SUGCT: variants seen among roughly 807,000 people sequenced by gnomAD.
The protein encoded by SUGCT is succinyl-CoA:glutarate CoA-transferase.
SUGCT carries 41 observed loss-of-function variants against 55.0 expected under a neutral mutation model. That is an observed-to-expected ratio of 0.74 (90% CI 0.58 to 0.97). The LOEUF is 0.97. SUGCT is among the 50% of genes least tolerant of loss of function. The probability of loss-of-function intolerance (pLI) is 0.00; values close to 1 mark genes in which losing one functional copy is unlikely to be tolerated. For synonymous variants in SUGCT, 187 were observed against 200.4 expected (o/e 0.93, Z 0.56); for missense variants, 568 against 547.8 (o/e 1.04, Z -0.37).
At chr7:40,267,903 C>T (rs981573146) in intron 7 of SUGCT, among the ~76,000 whole-genome samples, 1 of 152,120 alleles carries the variant, frequency 6.6e-6, no homozygotes, top group African/African-American at 2.4e-5. Context: ...GTGAATGGTA[C>T]CCCTTCTTTA....
chr7:40,556,941 C>T (rs184175550), intron 12 of SUGCT, among the ~76,000 whole-genome samples: 35 of 152,230 alleles, frequency 2.3e-4, no homozygotes, highest in Middle Eastern at 6.8e-3. Context: ...CTACTCAAGG[C>T]GATCTCCAGA....
intron 1 of SUGCT, chr7:40,141,941 T>C (rs769408898): frequency 5.5e-5 from 15 of 270,520 alleles, no homozygotes; most frequent in Non-Finnish European, 8.5e-5. Context: ...CCCGCTGCTG[T>C]GTCATTCCCC....
the SUGCT span, among the ~76,000 whole-genome samples, chr7:40,939,243 A>C: frequency 1.3e-5 from 2 of 152,092 alleles, no homozygotes. Flanking sequence ...TCATAAAACC[A>C]TCAGATCTCT....
intron 12 of SUGCT, among the ~76,000 whole-genome samples, chr7:40,640,199 AC>A (rs1193384518): frequency 5.3e-5 from 8 of 152,300 alleles, no homozygotes; most frequent in Admixed American, 4.6e-4. Flanking sequence ...GTTAAATCTA[AC>A]CATGGGAAGT....
chr7:40,681,501 G>A (rs745452371), intron 12 of SUGCT, among the ~76,000 whole-genome samples: 4 of 152,110 alleles, frequency 2.6e-5, no homozygotes, highest in Non-Finnish European at 4.4e-5. Context: ...ATACCACACC[G>A]AGGTTTTGCA....
the SUGCT span, among the ~76,000 whole-genome samples, chr7:40,980,771 A>G: frequency 1.3e-5 from 2 of 152,136 alleles, no homozygotes; most frequent in Admixed American, 6.5e-5. Context: ...ATCTCAGCTC[A>G]CTACAACTTC....
intron 7 of SUGCT, among the ~76,000 whole-genome samples, chr7:40,254,936 T>C (rs1790701948): frequency 6.6e-6 from 1 of 151,722 alleles, no homozygotes; most frequent in South Asian, 2.1e-4. Context: ...AAGGATATGT[T>C]GGCTGGGCGC....
intron 12 of SUGCT, among the ~76,000 whole-genome samples, chr7:40,597,426 T>G (rs1398851105): frequency 2.0e-5 from 3 of 152,208 alleles, no homozygotes. Flanking sequence ...TAATTCAATT[T>G]ATTGTAACAA....
chr7:40,158,370 T>C (rs1783997916), intron 1 of SUGCT, among the ~76,000 whole-genome samples: 1 of 152,208 alleles, frequency 6.6e-6, no homozygotes, highest in African/African-American at 2.4e-5. Context: ...CTGAAAATAA[T>C]AAAATTGCTG....
chr7:40,838,814 T>G (rs1793127019), intron 13 of SUGCT, among the ~76,000 whole-genome samples: 1 of 152,214 alleles, frequency 6.6e-6, no homozygotes, highest in East Asian at 1.9e-4. Flanking sequence ...GGGGACATCC[T>G]TGCCTTGTTT....
At chr7:41,015,504 T>A in the SUGCT span, among the ~76,000 whole-genome samples, 1 of 152,144 alleles carries the variant, frequency 6.6e-6, no homozygotes, top group African/African-American at 2.4e-5. Flanking sequence ...AGCCCTAAAT[T>A]CTAATCTTTG....
At chr7:40,188,832 A>G in intron 4 of SUGCT, among the ~76,000 whole-genome samples, 1 of 152,210 alleles carries the variant, frequency 6.6e-6, no homozygotes, top group East Asian at 1.9e-4. Flanking sequence ...TTTATGAAAT[A>G]GAAAAATTAT....
intron 13 of SUGCT, among the ~76,000 whole-genome samples, chr7:40,791,004 G>A (rs1306437534): frequency 6.6e-6 from 1 of 152,142 alleles, no homozygotes; most frequent in African/African-American, 2.4e-5. Context: ...AATACTTCCA[G>A]GATATGGAGG....
the SUGCT span, among the ~76,000 whole-genome samples, chr7:41,026,691 G>A: frequency 6.6e-6 from 1 of 152,096 alleles, no homozygotes; most frequent in Non-Finnish European, 1.5e-5. Context: ...CAAATCAAAG[G>A]CGCCAGCTTA....
chr7:40,751,336 G>A (rs190522480), intron 13 of SUGCT, among the ~76,000 whole-genome samples: 17 of 152,178 alleles, frequency 1.1e-4, no homozygotes, highest in Admixed American at 1.1e-3. Context: ...GTTTTCTCTC[G>A]TTTTAAGTAG....
At chr7:40,556,116 C>T (rs1795549380) in intron 12 of SUGCT, among the ~76,000 whole-genome samples, 1 of 152,114 alleles carries the variant, frequency 6.6e-6, no homozygotes, top group African/African-American at 2.4e-5. Context: ...ATTGTTTGCC[C>T]TGTGCCCAGA....
At chr7:40,292,586 C>T (rs888532800) in intron 8 of SUGCT, among the ~76,000 whole-genome samples, 34 of 152,166 alleles carry the variant, frequency 2.2e-4, no homozygotes, top group Non-Finnish European at 4.4e-4. Context: ...CTATTGAACT[C>T]AAGCCAGGTC....
intron 6 of SUGCT, among the ~76,000 whole-genome samples, chr7:40,217,142 A>G (rs1787710040): frequency 6.6e-6 from 1 of 152,156 alleles, no homozygotes; most frequent in South Asian, 2.1e-4. Flanking sequence ...CTAGGGCCAC[A>G]GATACCATTT....
intron 11 of SUGCT, among the ~76,000 whole-genome samples, chr7:40,460,730 TACTC>T (rs1789749261): frequency 6.6e-6 from 1 of 152,240 alleles, no homozygotes; most frequent in South Asian, 2.1e-4. Context: ...ATCTGTAACA[TACTC>T]ATTGCCATTT....
Sources: allele counts gnomAD v4.1 joint callset (sites outside exome capture counted in the v4.1 genomes callset), GRCh38; gene constraint gnomAD v4.1.1; transcripts MANE v1.5; gene names NCBI Gene and HGNC (gene_info 2026-07-23, HGNC 2026-07-21).